The following SYPL1 variants were observed in gnomAD, a reference collection of about 807,000 sequenced individuals.
SYPL1 encodes synaptophysin like 1.
SYPL1 carries 6 observed loss-of-function variants against 23.7 expected under a neutral mutation model. That is an observed-to-expected ratio of 0.25 (90% CI 0.14 to 0.50). SYPL1 has a LOEUF of 0.50. SYPL1 is among the 20% of genes least tolerant of loss of function. The pLI, the probability that SYPL1 is intolerant of heterozygous loss-of-function variation, is 0.98. For missense variants in SYPL1, 253 were observed against 288.9 expected (o/e 0.88, Z 0.90); for synonymous variants, 102 against 104.5 (o/e 0.98, Z 0.15).
At chr7:106,102,405 A>G (rs962507283) in intron 1 of SYPL1, among the ~76,000 whole-genome samples, 1 of 152,122 alleles carries the variant, frequency 6.6e-6, no homozygotes, top group African/African-American at 2.4e-5. Context: ...CAAAGATTGC[A>G]ACTTCTGTCT....
At position 106,112,180 on chromosome 7, in the gene SYPL1, G is replaced by A; in HGVS notation, c.29C>T (p.Pro10Leu). 1.3e-6 allele frequency: 2 copies of A among 1,544,702 alleles called. No individual in the cohort carries two copies. Among genetic ancestry groups the A allele is most frequent in the Non-Finnish European group, 8.8e-7 (1 of 1,137,920 alleles). Residue 10 changes from proline (P) to leucine (L), a missense_variant, in exon 1 of 5, where the codon CCG (proline) becomes CTG (leucine). Transcript: ENST00000455385. MSGFQINLN[P>L]LKEPLGFIKV... ...GATGAAGCCGAGTGGCTCCTTGAGC[G>A]GGTTGAGGTTGATCTGGAAGCCGGA... is the stretch of plus-strand genomic sequence containing the variant.
chr7:106,099,298 T>C lies in SYPL1; in HGVS notation c.70-16A>G, dbSNP rs1161457316. The C allele has an allele frequency of 1.9e-6, 3 of 1,591,174 alleles. No homozygotes were observed. The highest frequency in any genetic ancestry group is 2.6e-6 in the Non-Finnish European group (3 of 1,173,992). On this transcript the variant is annotated splice_polypyrimidine_tract_variant and intron_variant, in intron 1 of 4. Coordinates refer to ENST00000455385, the MANE Select transcript of SYPL1 (RefSeq NM_182715.4). ...TAGAAGCAATCTACACAAAGTAAGA[T>C]GAAAAAAGACAAAAGAAAAAAAAGA...
rs925625586 is a variant in SYPL1, at chr7:106,109,550, C to T, written c.69+2590G>A. 6.6e-6 allele frequency among the ~76,000 whole-genome samples: 1 copy of T among 152,170 alleles called. No individual in the cohort carries two copies. The highest frequency in any genetic ancestry group is 2.4e-5 in the African/African-American group (1 of 41,428). On this transcript the variant is annotated intron_variant, in intron 1 of 4. Coordinates refer to ENST00000455385, the MANE Select transcript of SYPL1 (RefSeq NM_182715.4). The surrounding 1 kb of genome is among the most constrained non-coding windows in gnomAD (Gnocchi z 4.3). ...TGCAGGCAGATATCTGCTATATCTGCAGCCCAAACTCATATTTTAAATTCT... is the reference window on the plus strand; with the variant it reads ...TGCAGGCAGATATCTGCTATATCTGTAGCCCAAACTCATATTTTAAATTCT...
chr7:106,092,647 T>G (rs1839792977), intron 4 of SYPL1: 1 of 379,532 alleles, frequency 2.6e-6, no homozygotes, highest in South Asian at 1.9e-5. Flanking sequence ...CACTCCAGTC[T>G]GAGCGACATA....
At position 106,092,955 on chromosome 7, in the gene SYPL1, T is replaced by C. The variant is rs1839817396; in HGVS notation, c.585A>G (p.Val195=). The change falls in exon 4 of 5, where the codon GTA becomes GTG. Residue 195 remains valine, a synonymous_variant. Coordinates refer to ENST00000455385, the MANE Select transcript of SYPL1 (RefSeq NM_182715.4). Reference sequence around the variant, plus strand: ...ATAAATAATGCATACATACCACAGATACATTTAGGGATCCCATACTGGTCA... The same window carrying C: ...ATAAATAATGCATACATACCACAGACACATTTAGGGATCCCATACTGGTCA... The part of the protein sequence containing the change: ...GSVTSMGSLN[V]SVIFGFLNMI... The C allele has an allele frequency of 1.9e-6, 3 of 1,576,658 alleles. No homozygotes were observed. The highest frequency in any genetic ancestry group is 2.7e-5 in the African/African-American group (2 of 73,174).
At chr7:106,112,480 T>C, upstream of SYPL1, 1 of 1,518,446 alleles carries the variant, frequency 6.6e-7, no homozygotes, top group Non-Finnish European at 8.8e-7. Flanking sequence ...AGGCCGCACC[T>C]GGCCGAGTCG....
rs1469735058 is a variant in SYPL1, at chr7:106,096,469, CCT to C, written c.402+1219_402+1220del. 6.6e-6 allele frequency among the ~76,000 whole-genome samples: 1 copy of C among 152,138 alleles called. No individual in the cohort carries two copies. Among genetic ancestry groups the C allele is most frequent in the Non-Finnish European group, 1.5e-5 (1 of 68,020 alleles). On this transcript the variant is annotated intron_variant, in intron 3 of 4. Transcript: ENST00000455385. This position sits in a 1 kb window ranked among gnomAD's most constrained non-coding sequence, Gnocchi z 4.4. Reference sequence around the variant, plus strand: ...TGACCAGTATCACACATAAAAAACACCTCTGTTTTCCCTTTAAGTCACTAATA... The same window carrying C: ...TGACCAGTATCACACATAAAAAACACCTGTTTTCCCTTTAAGTCACTAATA...
intron 4 of SYPL1, 124 bp from the exon 5 acceptor site, chr7:106,092,063 T>A: frequency 1.1e-6 from 1 of 883,652 alleles, no homozygotes; most frequent in Non-Finnish European, 1.7e-6. Context: ...TTATTTCACT[T>A]AAAGTTTAAT....
At position 106,090,623 on chromosome 7, in the gene SYPL1, A is replaced by G. The variant is rs1249494839; in HGVS notation, c.*1182T>C. The G allele has an allele frequency of 6.6e-6, 1 of 152,670 alleles. No individual in the cohort carries two copies. The highest frequency in any genetic ancestry group is 1.5e-5 in the Non-Finnish European group (1 of 68,038). The allele number at this position is 152,670 out of a possible 1,614,324, so 9.5% of individuals were successfully genotyped here. ...CAACAGCAAGATGTGCTTCACATAT[A>G]AACAATCATGTTGTAAGAATAAGAA... On this transcript the variant is annotated 3_prime_UTR_variant, in exon 5 of 5. Transcript: ENST00000455385.
At chr7:106,105,761 T>A (rs928390942) in intron 1 of SYPL1, among the ~76,000 whole-genome samples, 3 of 152,138 alleles carry the variant, frequency 2.0e-5, no homozygotes, top group African/African-American at 7.2e-5. Context: ...GCATGCTGGG[T>A]ATCCTGAAGG....
chr7:106,092,777 A>ACTT, intron 4 of SYPL1, 172 bp downstream of exon 4: 2 of 617,126 alleles, frequency 3.2e-6, no homozygotes, highest in South Asian at 2.1e-5. Flanking sequence ...TACAGGTAAT[A>ACTT]CTTTTTTTAG....
upstream of SYPL1, chr7:106,112,552 C>T (rs1050969724): frequency 6.7e-7 from 1 of 1,499,114 alleles, no homozygotes; most frequent in Non-Finnish European, 8.9e-7. Context: ...GCGCCCCCTT[C>T]CCTGCGGTTC....
At chr7:106,093,172 A>T in intron 3 of SYPL1, 35 bp from the exon 4 acceptor site, 1 of 1,510,834 alleles carries the variant, frequency 6.6e-7, no homozygotes, top group East Asian at 2.4e-5. Context: ...AATAATGAAC[A>T]GTTAATTTTA....
intron 1 of SYPL1, among the ~76,000 whole-genome samples, chr7:106,103,090 G>C (rs1413537403): frequency 6.6e-6 from 1 of 152,058 alleles, no homozygotes; most frequent in African/African-American, 2.4e-5. Flanking sequence ...AGATCTAAGA[G>C]AAACCCTTGC....
At chr7:106,101,386 T>C (rs1455985035) in intron 1 of SYPL1, among the ~76,000 whole-genome samples, 1 of 138,350 alleles carries the variant, frequency 7.2e-6, no homozygotes, top group Non-Finnish European at 1.6e-5. Flanking sequence ...TTGAATCTTG[T>C]AGGCCATAAT....
At position 106,103,239 on chromosome 7, in the gene SYPL1, C is replaced by G. The variant is rs1378820754; in HGVS notation, c.70-3957G>C. Among the ~76,000 whole-genome samples, 4 of 152,260 alleles carry G rather than the reference C, an allele frequency of 2.6e-5. No individual in the cohort carries two copies. The East Asian group carries it at 5.8e-4, about 22-fold the overall frequency. On this transcript the variant is annotated intron_variant, in intron 1 of 4. Coordinates refer to ENST00000455385, the MANE Select transcript of SYPL1 (RefSeq NM_182715.4). Reference sequence around the variant, plus strand: ...AAAAAGATATAAGAATTACAACTGCCTACATCAACATAGATGAATCATAGA... The same window carrying G: ...AAAAAGATATAAGAATTACAACTGCGTACATCAACATAGATGAATCATAGA...
rs527641077 is a variant in SYPL1 at position 106,095,742 on chromosome 7, C to G, written c.402+1948G>C. On this transcript the variant is annotated intron_variant, in intron 3 of 4. Transcript: ENST00000455385. The surrounding 1 kb of genome is among the most constrained non-coding windows in gnomAD (Gnocchi z 4.3). ...AAGCTAGACTTTTATAGACAAGAAG[C>G]ACCCATTATGTAACAATAAAAACCT... Among the ~76,000 whole-genome samples, 11 of 152,238 alleles carry G rather than the reference C, an allele frequency of 7.2e-5. No homozygotes were observed. The highest frequency in any genetic ancestry group is 2.4e-4 in the African/African-American group (10 of 41,542).
intron 1 of SYPL1, among the ~76,000 whole-genome samples, chr7:106,108,710 G>A (rs1031060890): frequency 1.3e-5 from 2 of 152,110 alleles, no homozygotes; most frequent in African/African-American, 4.8e-5. Flanking sequence ...GCTTTCTTCA[G>A]ATTTATTAAT....
At chr7:106,098,468 T>C (rs1306607927) in intron 2 of SYPL1, among the ~76,000 whole-genome samples, 1 of 152,200 alleles carries the variant, frequency 6.6e-6, no homozygotes, top group African/African-American at 2.4e-5. Flanking sequence ...ATCTTTAATA[T>C]GGGGATTTTA....
Sources: allele counts gnomAD v4.1 joint callset (sites outside exome capture counted in the v4.1 genomes callset), GRCh38; gene constraint gnomAD v4.1.1; non-coding constraint Gnocchi (gnomAD v3.1); transcripts MANE v1.5; gene names NCBI Gene and HGNC (gene_info 2026-07-23, HGNC 2026-07-21).